The following REXO1 variants were observed in gnomAD, a reference collection of about 807,000 sequenced individuals.
REXO1 encodes REX1, RNA exonuclease 1 homolog.
In REXO1, 42 loss-of-function variants were observed where a neutral mutation model predicts 102.6. That is an observed-to-expected ratio of 0.41 (90% CI 0.32 to 0.53). The LOEUF (loss-of-function observed/expected upper bound fraction) is 0.53. REXO1 is among the 20% of genes least tolerant of loss of function. The probability of loss-of-function intolerance (pLI) is 0.27; values close to 1 mark genes in which losing one functional copy is unlikely to be tolerated. For synonymous variants in REXO1, 908 were observed against 779.1 expected, an observed-to-expected ratio of 1.17 and a Z score of -2.76; for missense variants, 1,819 against 1,732.5, an observed-to-expected ratio of 1.05 and a Z score of -0.89.
chr19:1,834,933 C>T, intron 1 of REXO1: 1 of 422,852 alleles, frequency 2.4e-6, no homozygotes, highest in Admixed American at 2.5e-5. Flanking sequence ...CTGGGCTCCC[C>T]CACCCTGCAG....
At chr19:1,840,335 T>C (rs909561635) in intron 1 of REXO1, among the ~76,000 whole-genome samples, 1 of 151,976 alleles carries the variant, frequency 6.6e-6, no homozygotes, top group Non-Finnish European at 1.5e-5. Flanking sequence ...GCACACCGAC[T>C]CTCCAGACAT....
At chr19:1,816,625 GGGC>G (rs1467390477) in intron 13 of REXO1, 56 bp from the exon 14 acceptor site, 13 of 1,592,918 alleles carry the variant, frequency 8.2e-6, no homozygotes, top group Non-Finnish European at 9.4e-6. Flanking sequence ...CTGGCTGGTG[GGGC>G]GGGGGAGGGT....
In REXO1 at chr19:1,815,618, C is replaced by T; in HGVS notation, c.*448G>A. On this transcript the variant is annotated 3_prime_UTR_variant, in exon 16 of 16. Transcript: ENST00000170168. This position sits in a 1 kb window ranked among gnomAD's most constrained non-coding sequence, Gnocchi z 4.0. ...TCTTCCCGGTGGGAAAGATGCTGTG[C>T]AAGTCATCAGGTTTAAATTAAAAAT... is the stretch of plus-strand genomic sequence containing the variant. 9.4e-7 allele frequency: 1 copy of T among 1,069,414 alleles called. No individual in the cohort carries two copies. The highest frequency in any genetic ancestry group is 1.8e-5 in the South Asian group (1 of 54,818). 66.2% of individuals were successfully genotyped at this position (1,069,414 alleles called of 1,614,324 possible).
At chr19:1,820,424 T>C (rs1281653151) in intron 5 of REXO1, 29 bp from the exon 6 acceptor site, 23 of 1,609,808 alleles carry the variant, frequency 1.4e-5, no homozygotes, top group Non-Finnish European at 2.0e-5. Flanking sequence ...CTGCCATGGG[T>C]GAGGGCCTCC....
intron 11 of REXO1, 43 bp from the exon 12 acceptor site, chr19:1,817,372 T>A (rs2069400290): frequency 6.2e-7 from 1 of 1,604,276 alleles, no homozygotes; most frequent in South Asian, 1.1e-5. Context: ...CGGGGTGCAG[T>A]GGGGGCGGGG....
intron 1 of REXO1, among the ~76,000 whole-genome samples, chr19:1,841,251 G>T (rs759749186): frequency 3.9e-5 from 6 of 152,220 alleles, no homozygotes; most frequent in Non-Finnish European, 7.3e-5. Flanking sequence ...TTCTGCAGCA[G>T]ATCATACCAA....
intron 1 of REXO1, among the ~76,000 whole-genome samples, chr19:1,840,163 C>T (rs2011218971): frequency 6.6e-6 from 1 of 152,230 alleles, no homozygotes; most frequent in Non-Finnish European, 1.5e-5. Flanking sequence ...AGCACACGCT[C>T]TCTGCCACCT....
chr19:1,824,980 T>C (rs1599137238), intron 3 of REXO1, among the ~76,000 whole-genome samples: 1 of 134,840 alleles, frequency 7.4e-6, no homozygotes, highest in South Asian at 2.8e-4. Flanking sequence ...AGAGACGGGG[T>C]TTCACCATGT....
chr19:1,841,278 C>T (rs1038306495), intron 1 of REXO1, among the ~76,000 whole-genome samples: 3 of 152,228 alleles, frequency 2.0e-5, no homozygotes, highest in Admixed American at 1.3e-4. Flanking sequence ...CTACCCACTG[C>T]GCGGACAGCG....
At chr19:1,838,086 G>A (rs541206974) in intron 1 of REXO1, among the ~76,000 whole-genome samples, 5 of 151,856 alleles carry the variant, frequency 3.3e-5, no homozygotes, top group African/African-American at 1.2e-4. Context: ...GCCCAAGGCC[G>A]AGGCAGGTGG....
At chr19:1,839,802 G>A (rs2145324009) in intron 1 of REXO1, among the ~76,000 whole-genome samples, 1 of 152,224 alleles carries the variant, frequency 6.6e-6, no homozygotes, top group East Asian at 1.9e-4. Flanking sequence ...AGCAGTGCCT[G>A]GCATAGTGCC....
At chr19:1,836,743 C>CAAAAAAAA (rs1185957602) in intron 1 of REXO1, among the ~76,000 whole-genome samples, 1 of 64,602 alleles carries the variant, frequency 1.5e-5, no homozygotes, top group Non-Finnish European at 2.8e-5. Flanking sequence ...AAGACTGTCT[C>CAAAAAAAA]AAAAAAAAAA....
intron 1 of REXO1, among the ~76,000 whole-genome samples, chr19:1,838,378 G>T (rs2070102722): frequency 6.6e-6 from 1 of 151,200 alleles, no homozygotes; most frequent in Non-Finnish European, 1.5e-5. Flanking sequence ...CAGCACTTTG[G>T]AAAGTCGAAG....
chr19:1,827,184 C>T lies in REXO1; in HGVS notation c.1605G>A (p.Val535=), dbSNP rs1195325446. The change falls in exon 2 of 16, where the codon GTG becomes GTA. Residue 535 remains valine, a synonymous_variant. Coordinates refer to ENST00000170168, the MANE Select transcript of REXO1 (RefSeq NM_020695.4). ...ESEDEAAGPG[V]PSVWPSALPS... is the part of the protein sequence containing the mutation. ...GGAGGGCAGAGGGCCACACGCTCGG[C>T]ACCCCTGGCCCTGCGGCCTCGTCCT... 1.9e-6 allele frequency: 3 copies of T among 1,540,792 alleles called. 1 individual carries two copies. In the South Asian group the frequency reaches 3.6e-5, roughly 18 times the overall value.
Position 1,848,478 on chromosome 19 carries a change from G to GC in REXO1, c.-121dup, listed in dbSNP as rs2011670018. 3 of 706,994 alleles carry GC rather than the reference G, an allele frequency of 4.2e-6. No individual in the cohort carries two copies. Among genetic ancestry groups the GC allele is most frequent in the Non-Finnish European group, 5.3e-6 (3 of 562,586 alleles). 43.8% of individuals were successfully genotyped at this position (706,994 alleles called of 1,614,324 possible). A position where few individuals can be genotyped will look rare whatever the true frequency, so the allele number is the denominator to read the frequency against. ...CCCGCCGCCGCCATCTTGCTCCGAG[G>GC]CCCCCGGAGGCCCTCGGGACGCCGC... is the stretch of plus-strand genomic sequence containing the variant. On this transcript the variant is annotated 5_prime_UTR_variant, in exon 1 of 16. Coordinates refer to ENST00000170168, the MANE Select transcript of REXO1 (RefSeq NM_020695.4).
chr19:1,819,333 G>A (rs935624809), intron 7 of REXO1, among the ~76,000 whole-genome samples: 2 of 152,052 alleles, frequency 1.3e-5, no homozygotes, highest in African/African-American at 4.8e-5. Flanking sequence ...CAGGGCAGCC[G>A]CCAGCTCTGC....
intron 1 of REXO1, among the ~76,000 whole-genome samples, chr19:1,831,615 G>A (rs1425113024): frequency 1.3e-5 from 2 of 151,688 alleles, no homozygotes; most frequent in Non-Finnish European, 2.9e-5. Context: ...GGCTGAGGCG[G>A]GCGGATCACC....
In REXO1 at chr19:1,817,296, C is replaced by T; in HGVS notation, c.3124G>A (p.Glu1042Lys). ...HVQDGRKERLEGFVKTFEKEL... is the reference protein window; with the variant it reads ...HVQDGRKERLKGFVKTFEKEL... ...TTCTCAAAGGTCTTCACGAAGCCCT[C>T]AAGGCGCTCCTTCCGGCCATCCTGC... The change falls in exon 12 of 16, where the codon GAG (glutamate) becomes AAG (lysine). Residue 1042 changes from glutamate to lysine, a missense_variant. Physicochemically the swap from Glu to Lys is moderately conservative, Grantham distance 56. Transcript: ENST00000170168. 1.9e-6 allele frequency: 3 copies of T among 1,613,084 alleles called. No individual in the cohort carries two copies. Among genetic ancestry groups the T allele is most frequent in the Non-Finnish European group, 2.5e-6 (3 of 1,180,002 alleles).
chr19:1,827,062 G>A lies in REXO1; in HGVS notation c.1727C>T (p.Pro576Leu). Residue 576 changes from proline (P) to leucine (L), a missense_variant, in exon 2 of 16, where the codon CCC becomes CTC. Pro to Leu is a moderately conservative substitution (Grantham distance 98). Coordinates refer to ENST00000170168, the MANE Select transcript of REXO1 (RefSeq NM_020695.4). ...PPKRLKASPP[P>L]SPAPSSSSSS... ...GGAGGAGGAGGATGGGGCGGGGGAG[G>A]GGGGCGGGGAGGCCTTGAGCCGCTT... The A allele has an allele frequency of 2.1e-6, 2 of 937,020 alleles. No individual in the cohort carries two copies. Among genetic ancestry groups the A allele is most frequent in the African/African-American group, 1.6e-5 (1 of 62,572 alleles). The allele number at this position is 937,020 out of a possible 1,614,324, so 58.0% of individuals were successfully genotyped here.
Sources: gnomAD v4.1 joint callset for allele counts (sites outside exome capture counted in the v4.1 genomes callset) on GRCh38, gnomAD v4.1.1 for gene constraint, Gnocchi (gnomAD v3.1) non-coding constraint, MANE v1.5 for transcripts, NCBI Gene and HGNC (gene_info 2026-07-23, HGNC 2026-07-21) for gene names.